The following CDH12 variants were observed in gnomAD, a reference collection of about 807,000 sequenced individuals.
CDH12 encodes the protein cadherin 12.
In CDH12, 41 loss-of-function variants were observed where a neutral mutation model predicts 74.1. The ratio of observed to expected loss-of-function variants is 0.55; its 90% CI spans 0.43 to 0.72. The LOEUF (loss-of-function observed/expected upper bound fraction) is 0.72, where lower values mean the gene tolerates loss of function less well. CDH12 is among the 30% of genes least tolerant of loss of function. The pLI, the probability that CDH12 is intolerant of heterozygous loss-of-function variation, is 0.00. For missense variants in CDH12, 945 were observed against 977.2 expected (o/e 0.97, Z 0.44); for synonymous variants, 399 against 355.0 (o/e 1.12, Z -1.39).
intron 3 of CDH12, among the ~76,000 whole-genome samples, chr5:22,403,124 A>T (rs1195511737): frequency 1.3e-5 from 2 of 152,194 alleles, no homozygotes; most frequent in East Asian, 3.9e-4. Context: ...CATGGACTGC[A>T]TTCTCCCAGA....
chr5:22,193,556 T>G (rs2150348479), intron 4 of CDH12, among the ~76,000 whole-genome samples: 1 of 152,070 alleles, frequency 6.6e-6, no homozygotes, highest in South Asian at 2.1e-4. Context: ...TGGGCATAAT[T>G]CAGAAAAAAA....
At chr5:22,145,458 T>C (rs2150303205) in intron 4 of CDH12, among the ~76,000 whole-genome samples, 2 of 152,212 alleles carry the variant, frequency 1.3e-5, no homozygotes, top group Middle Eastern at 6.8e-3. Context: ...ACATTGATCC[T>C]GATAGGTCCT....
chr5:22,651,427 G>A (rs1739730352), intron 1 of CDH12, among the ~76,000 whole-genome samples: 2 of 152,114 alleles, frequency 1.3e-5, no homozygotes, highest in African/African-American at 4.8e-5. Flanking sequence ...ATGTCAGAAG[G>A]TGAAGCAGAA....
intron 3 of CDH12, among the ~76,000 whole-genome samples, chr5:22,273,284 C>G (rs1223995928): frequency 6.6e-6 from 1 of 151,948 alleles, no homozygotes; most frequent in Non-Finnish European, 1.5e-5. Context: ...TTTGAATTAC[C>G]AAAATATGAC....
chr5:22,153,913 TAC>T (rs71609744), intron 4 of CDH12, among the ~76,000 whole-genome samples: 54,703 of 129,982 alleles, frequency 0.42, 11,356 homozygotes, highest in Middle Eastern at 0.51. Context: ...TACACACACA[TAC>T]ACACACACAC....
intron 3 of CDH12, among the ~76,000 whole-genome samples, chr5:22,342,772 CACTT>C (rs1260371203): frequency 1.5e-5 from 2 of 135,538 alleles, no homozygotes; most frequent in Admixed American, 7.4e-5. Context: ...CTCCCTTCCT[CACTT>C]CCTTCCTTCC....
chr5:22,446,972 G>T (rs957664419), intron 2 of CDH12, among the ~76,000 whole-genome samples: 2 of 152,040 alleles, frequency 1.3e-5, no homozygotes, highest in Non-Finnish European at 2.9e-5. Flanking sequence ...CCAATAGTGA[G>T]TGTGTTCCCT....
intron 1 of CDH12, among the ~76,000 whole-genome samples, chr5:22,742,595 C>G (rs1011195783): frequency 6.6e-6 from 1 of 152,096 alleles, no homozygotes; most frequent in East Asian, 1.9e-4. Flanking sequence ...CCATTTTCTA[C>G]CTTTGACATT....
chr5:22,129,237 C>T (rs1746045474), intron 4 of CDH12, among the ~76,000 whole-genome samples: 1 of 152,152 alleles, frequency 6.6e-6, no homozygotes, highest in African/African-American at 2.4e-5. Flanking sequence ...GTGACGGTAG[C>T]AAGTTATGTA....
At position 21,751,618 on chromosome 5, in the gene CDH12, G is replaced by GTGTGTGTGTGTT. The variant is rs1381097686; in HGVS notation, c.*118_*119insAACACACACACA. On this transcript the variant is annotated 3_prime_UTR_variant, in exon 15 of 15. Transcript: ENST00000382254. ...AGGAATCTTGTCCCAGAGTGTGTGT[G>GTGTGTGTGTGTT]TGTGTGTGTGTGTTTGTGTGTGTGT... The GTGTGTGTGTGTT allele has an allele frequency of 2.9e-5, 20 of 700,134 alleles. No individual in the cohort carries two copies. Among genetic ancestry groups the GTGTGTGTGTGTT allele is most frequent in the Middle Eastern group, 2.6e-4 (1 of 3,802 alleles). 43.4% of individuals were successfully genotyped at this position (700,134 alleles called of 1,614,324 possible). A position where few individuals can be genotyped will look rare whatever the true frequency, so the allele number is the denominator to read the frequency against.
intron 4 of CDH12, among the ~76,000 whole-genome samples, chr5:22,117,475 A>AT: frequency 1.5e-5 from 1 of 66,930 alleles, no homozygotes; most frequent in Admixed American, 2.2e-4. Context: ...TATAATATAT[A>AT]TATTATATAT....
At position 21,942,747 on chromosome 5, in the gene CDH12, T is replaced by G. The variant is rs182494036; in HGVS notation, c.526+32344A>C. The stretch of plus-strand genomic sequence containing the variant: ...CTTTTCTGTGGAGGTTTAAGTATGA[T>G]TTATTTGGGAATTGCTACATTATCC... On this transcript the variant is annotated intron_variant, in intron 6 of 14. Transcript: ENST00000382254. Among the ~76,000 whole-genome samples, 630 of 152,300 alleles carry G rather than the reference T, an allele frequency of 4.1e-3. 2 individuals are homozygous for G. Among genetic ancestry groups the G allele is most frequent in the Admixed American group, 7.0e-3 (107 of 15,286 alleles).
chr5:22,022,573 G>T (rs1173251177), intron 5 of CDH12, among the ~76,000 whole-genome samples: 1 of 152,068 alleles, frequency 6.6e-6, no homozygotes, highest in African/African-American at 2.4e-5. Flanking sequence ...TTATATCATG[G>T]ACGAAATAAT....
intron 4 of CDH12, among the ~76,000 whole-genome samples, chr5:22,154,204 T>A (rs567291321): frequency 8.3e-4 from 125 of 150,990 alleles, no homozygotes; most frequent in African/African-American, 2.8e-3. Context: ...CTAGTTAACA[T>A]ATACATCACC....
chr5:22,419,509 C>T (rs537313292), intron 2 of CDH12, among the ~76,000 whole-genome samples: 2 of 152,280 alleles, frequency 1.3e-5, no homozygotes, highest in Non-Finnish European at 2.9e-5. Context: ...CATAGTATTC[C>T]ATGGTGTATA....
intron 1 of CDH12, among the ~76,000 whole-genome samples, chr5:22,626,905 C>G (rs1158160376): frequency 1.3e-5 from 2 of 151,854 alleles, no homozygotes; most frequent in Non-Finnish European, 2.9e-5. Flanking sequence ...AAGAAAGAAC[C>G]AAACTGATGT....
intron 3 of CDH12, among the ~76,000 whole-genome samples, chr5:22,358,157 C>T (rs527737419): frequency 4.6e-5 from 7 of 152,212 alleles, no homozygotes; most frequent in African/African-American, 1.4e-4. Flanking sequence ...GCCTGTAATC[C>T]TAACACTTTG....
At chr5:22,622,798 G>C (rs1021490729) in intron 1 of CDH12, among the ~76,000 whole-genome samples, 1 of 152,268 alleles carries the variant, frequency 6.6e-6, no homozygotes, top group East Asian at 1.9e-4. Context: ...AGAAAAGAGG[G>C]AATCCTCCCT....
chr5:22,299,153 G>A (rs1239901411), intron 3 of CDH12, among the ~76,000 whole-genome samples: 2 of 152,172 alleles, frequency 1.3e-5, no homozygotes, highest in African/African-American at 4.8e-5. Context: ...GGAAAATAAA[G>A]AGGAAGTGCA....
Sources: allele counts gnomAD v4.1 joint callset (sites outside exome capture counted in the v4.1 genomes callset), GRCh38; gene constraint gnomAD v4.1.1; transcripts MANE v1.5; gene names NCBI Gene and HGNC (gene_info 2026-07-23, HGNC 2026-07-21).